The following RBFOX1 variants were observed in gnomAD, a reference collection of about 807,000 sequenced individuals.
The protein encoded by RBFOX1 is RNA binding fox-1 homolog 1.
In RBFOX1, 8 loss-of-function variants were observed where a neutral mutation model predicts 57.7. That is an observed-to-expected ratio of 0.14 (90% CI 0.08 to 0.25). The LOEUF is 0.25. Ranked by LOEUF, RBFOX1 falls within the 10% of genes least tolerant of loss-of-function variation. RBFOX1 has a pLI of 1.00. For synonymous variants in RBFOX1, 326 were observed against 222.4 expected, an observed-to-expected ratio of 1.47 and a Z score of -4.15; for missense variants, 611 against 548.5, an observed-to-expected ratio of 1.11 and a Z score of -1.14.
At chr16:6,466,737 C>T (rs1035824890) in intron 2 of RBFOX1, among the ~76,000 whole-genome samples, 1 of 152,126 alleles carries the variant, frequency 6.6e-6, no homozygotes, top group African/African-American at 2.4e-5. Context: ...GCGAGGCTCT[C>T]TTAGTTCGAA....
intron 2 of RBFOX1, among the ~76,000 whole-genome samples, chr16:6,435,565 A>G (rs1318271253): frequency 6.6e-6 from 1 of 152,058 alleles, no homozygotes; most frequent in Non-Finnish European, 1.5e-5. Flanking sequence ...TGTCCTCTGA[A>G]AGTTCTGGGA....
At chr16:5,611,592 A>T (rs2047788051) in intron 3 of RBFOX1, among the ~76,000 whole-genome samples, 1 of 152,134 alleles carries the variant, frequency 6.6e-6, no homozygotes, top group African/African-American at 2.4e-5. Flanking sequence ...TTTATAAACC[A>T]GTATCAACAA....
chr16:5,646,280 C>T (rs2049053690), intron 3 of RBFOX1, among the ~76,000 whole-genome samples: 1 of 151,504 alleles, frequency 6.6e-6, no homozygotes, highest in Non-Finnish European at 1.5e-5. Flanking sequence ...CTTCCTCGGC[C>T]TCCCAAAGTG....
intron 3 of RBFOX1, among the ~76,000 whole-genome samples, chr16:6,938,440 T>C (rs1359041633): frequency 1.3e-5 from 2 of 152,188 alleles, no homozygotes; most frequent in African/African-American, 2.4e-5. Flanking sequence ...GCTGTTGTTA[T>C]TTTTGTTGTT....
chr16:7,649,023 C>G (rs1386799635), intron 11 of RBFOX1, among the ~76,000 whole-genome samples: 1 of 152,108 alleles, frequency 6.6e-6, no homozygotes, highest in African/African-American at 2.4e-5. Flanking sequence ...GGGTTCCTAT[C>G]CAGACCCTAA....
chr16:7,518,069 TG>T (rs989301966), intron 4 of RBFOX1, 77 bp from the exon 5 acceptor site: 30 of 1,522,946 alleles, frequency 2.0e-5, no homozygotes, highest in Admixed American at 7.5e-5. Context: ...ACGATCGTCC[TG>T]GGATCTGGGA....
intron 1 of RBFOX1, among the ~76,000 whole-genome samples, chr16:5,273,922 T>A (rs969827228): frequency 2.0e-5 from 3 of 152,158 alleles, no homozygotes; most frequent in Non-Finnish European, 4.4e-5. Flanking sequence ...ATTCCCCACC[T>A]GCCAGGTATC....
chr16:5,942,985 C>G (rs1300501806), intron 4 of RBFOX1, among the ~76,000 whole-genome samples: 5 of 152,160 alleles, frequency 3.3e-5, no homozygotes, highest in African/African-American at 1.2e-4. Flanking sequence ...GGTGGGCTGC[C>G]AAGCACCCCC....
rs2068666600 is a variant in RBFOX1 at position 5,457,533 on chromosome 16, A to G, written c.220-9683A>G. Among the ~76,000 whole-genome samples, 3 of 152,336 alleles carry G rather than the reference A, an allele frequency of 2.0e-5. No homozygotes were observed. The South Asian group carries it at 6.2e-4, about 32-fold the overall frequency. ...TGGACCCACCTCTGAAGAGCATCAC[A>G]TTGAGGATTAGGGCTCCATCTGAGG... On this transcript the variant is annotated intron_variant, in intron 1 of 2. Coordinates refer to the RBFOX1 transcript ENST00000585867.
At chr16:5,942,075 G>A (rs552975521) in intron 4 of RBFOX1, among the ~76,000 whole-genome samples, 66 of 152,220 alleles carry the variant, frequency 4.3e-4, no homozygotes, top group African/African-American at 1.5e-3. Flanking sequence ...TCCTAGACCA[G>A]CCTGTAACCA....
intron 4 of RBFOX1, among the ~76,000 whole-genome samples, chr16:6,011,453 G>A (rs765204958): frequency 3.9e-5 from 6 of 152,026 alleles, no homozygotes; most frequent in South Asian, 2.1e-4. Context: ...ATTTAAAAAC[G>A]AAGTCTTGAG....
chr16:6,320,206 A>T (rs757797637), intron 2 of RBFOX1, among the ~76,000 whole-genome samples: 27 of 152,208 alleles, frequency 1.8e-4, no homozygotes, highest in Admixed American at 3.3e-4. Flanking sequence ...AACCCTAATC[A>T]GCTGATGCTT....
rs561674730 is a variant in RBFOX1 at position 5,910,562 on chromosome 16, G to A, written c.351+43227G>A. On this transcript the variant is annotated intron_variant, in intron 4 of 19. Transcript: ENST00000641259. Reference sequence around the variant, plus strand: ...AGGAGCCCTTTTGGTTATTGGAGTGGAGGAAGGTGTGAGGGTTGAGCTGGG... The same window carrying A: ...AGGAGCCCTTTTGGTTATTGGAGTGAAGGAAGGTGTGAGGGTTGAGCTGGG... 2.8e-4 allele frequency among the ~76,000 whole-genome samples: 43 copies of A among 152,292 alleles called. No individual in the cohort carries two copies. In the South Asian group the frequency reaches 8.9e-3, roughly 32 times the overall value.
intron 3 of RBFOX1, among the ~76,000 whole-genome samples, chr16:6,716,088 T>C (rs1039288304): frequency 6.6e-6 from 1 of 152,184 alleles, no homozygotes; most frequent in South Asian, 2.1e-4. Context: ...GGTGACAATA[T>C]GTGTTTTTGG....
intron 2 of RBFOX1, among the ~76,000 whole-genome samples, chr16:6,465,456 C>G (rs2153070972): frequency 6.6e-6 from 1 of 152,238 alleles, no homozygotes; most frequent in East Asian, 1.9e-4. Context: ...TCATTTCTGT[C>G]TGAGTTCAGC....
intron 4 of RBFOX1, among the ~76,000 whole-genome samples, chr16:7,325,099 T>G (rs182076281): frequency 1.3e-5 from 2 of 151,902 alleles, no homozygotes; most frequent in African/African-American, 4.8e-5. Flanking sequence ...GGAGGAAGAG[T>G]TTTGATATCC....
intron 3 of RBFOX1, among the ~76,000 whole-genome samples, chr16:6,736,051 A>AT (rs1384851725): frequency 7.0e-6 from 1 of 142,670 alleles, no homozygotes. Context: ...TTACCCCAAT[A>AT]TTTTTCTGAT....
chr16:6,029,666 G>C (rs866474952), intron 1 of RBFOX1, among the ~76,000 whole-genome samples: 1 of 150,152 alleles, frequency 6.7e-6, no homozygotes, highest in Non-Finnish European at 1.5e-5. Flanking sequence ...CCAGCTACTC[G>C]GAAGGCTGAG....
At chr16:6,686,941 T>A (rs1397817486) in intron 3 of RBFOX1, among the ~76,000 whole-genome samples, 1 of 152,350 alleles carries the variant, frequency 6.6e-6, no homozygotes, top group Non-Finnish European at 1.5e-5. Flanking sequence ...TGTATATAGA[T>A]TCTGCTCGTA....
Sources: gnomAD v4.1 joint callset for allele counts (sites outside exome capture counted in the v4.1 genomes callset) on GRCh38, gnomAD v4.1.1 for gene constraint, MANE v1.5 for transcripts, NCBI Gene and HGNC (gene_info 2026-07-23, HGNC 2026-07-21) for gene names.